The following ADARB2 variants were observed in gnomAD, a reference collection of about 807,000 sequenced individuals.
The protein encoded by ADARB2 is adenosine deaminase RNA specific B2 (inactive), also known as inactive double-stranded RNA-specific editase B2.
A neutral mutation model predicts 62.2 loss-of-function variants in ADARB2; 25 were observed. The ratio of observed to expected loss-of-function variants is 0.40; its 90% confidence interval spans 0.29 to 0.56. The LOEUF (loss-of-function observed/expected upper bound fraction) is 0.56, where lower values mean the gene tolerates loss of function less well. ADARB2 is among the 20% of genes least tolerant of loss of function. The probability of loss-of-function intolerance (pLI) is 0.43; values close to 1 mark genes in which losing one functional copy is unlikely to be tolerated. For synonymous variants in ADARB2, 572 were observed against 500.8 expected, an observed-to-expected ratio of 1.14 and a Z score of -1.90; for missense variants, 1,071 against 1,077.4, an observed-to-expected ratio of 0.99 and a Z score of 0.08.
At chr10:1,471,608 G>A (rs1197708598) in intron 1 of ADARB2, among the ~76,000 whole-genome samples, 1 of 151,984 alleles carries the variant, frequency 6.6e-6, no homozygotes, top group Non-Finnish European at 1.5e-5. Context: ...GGTCAGGCTG[G>A]TCTTGAACTC....
chr10:1,688,442 C>G (rs1314794999), intron 1 of ADARB2, among the ~76,000 whole-genome samples: 1 of 152,218 alleles, frequency 6.6e-6, no homozygotes, highest in East Asian at 1.9e-4. Flanking sequence ...GCTGGAGACC[C>G]TGAGCTGCCA....
chr10:1,593,161 C>T lies in ADARB2; in HGVS notation c.100+143890G>A, dbSNP rs74492405. On this transcript the variant is annotated intron_variant, in intron 1 of 9. Coordinates refer to ENST00000381312, the MANE Select transcript of ADARB2 (RefSeq NM_018702.4). ...TCCCTTCACCCAAGCCACGCTCCAT[C>T]GGTCTCCTCTCTGGCATGGTCCCCT... Among the ~76,000 whole-genome samples the T allele has an allele frequency of 2.1e-4, 14 of 65,300 alleles. 4 individuals carry two copies. In the East Asian group the frequency reaches 6.8e-3, roughly 32 times the overall value. 42.8% of individuals were successfully genotyped at this position (65,300 alleles called of 152,430 possible). A position where few individuals can be genotyped will look rare whatever the true frequency, so the allele number is the denominator to read the frequency against.
At chr10:1,676,046 C>T in intron 1 of ADARB2, 1 of 985,368 alleles carries the variant, frequency 1.0e-6, no homozygotes, top group South Asian at 4.7e-5. Flanking sequence ...TAACTCTTGA[C>T]CTGAGCCCCT....
intron 1 of ADARB2, among the ~76,000 whole-genome samples, chr10:1,467,902 T>C (rs1044999350): frequency 6.6e-6 from 1 of 152,168 alleles, no homozygotes; most frequent in African/African-American, 2.4e-5. Context: ...ACGAGGACAT[T>C]GAGGACCCGT....
chr10:1,671,979 A>G (rs1367838049), intron 1 of ADARB2, among the ~76,000 whole-genome samples: 1 of 151,858 alleles, frequency 6.6e-6, no homozygotes, highest in Non-Finnish European at 1.5e-5. Context: ...GCCCCTGTTC[A>G]TGCACACTTC....
intron 1 of ADARB2, among the ~76,000 whole-genome samples, chr10:1,640,649 CAA>C (rs961674014): frequency 7.3e-5 from 11 of 151,670 alleles, no homozygotes; most frequent in Non-Finnish European, 1.2e-4. Flanking sequence ...CACACACACA[CAA>C]AAACACACAC....
chr10:1,603,440 G>A (rs551984154), intron 1 of ADARB2, among the ~76,000 whole-genome samples: 38 of 152,296 alleles, frequency 2.5e-4, no homozygotes, highest in Non-Finnish European at 4.3e-4. Flanking sequence ...CAGAGATGAG[G>A]ATCACAGGAC....
At chr10:1,672,395 A>G (rs941734136) in intron 1 of ADARB2, among the ~76,000 whole-genome samples, 1 of 152,108 alleles carries the variant, frequency 6.6e-6, no homozygotes, top group African/African-American at 2.4e-5. Context: ...CCTCGACATT[A>G]CCAACAATCT....
chr10:1,683,090 GCTTTA>G (rs1311590795), intron 1 of ADARB2, among the ~76,000 whole-genome samples: 3 of 152,214 alleles, frequency 2.0e-5, no homozygotes, highest in African/African-American at 7.2e-5. Flanking sequence ...TGCTTTTCAT[GCTTTA>G]CTTATGGGAT....
At chr10:1,635,507 G>C (rs1833907990) in intron 1 of ADARB2, among the ~76,000 whole-genome samples, 1 of 152,198 alleles carries the variant, frequency 6.6e-6, no homozygotes, top group Admixed American at 6.5e-5. Context: ...CCCTTGAGAT[G>C]TGGCTCTGCC....
At chr10:1,279,003 G>A (rs1230288125) in intron 3 of ADARB2, among the ~76,000 whole-genome samples, 1 of 152,090 alleles carries the variant, frequency 6.6e-6, no homozygotes, top group Non-Finnish European at 1.5e-5. Context: ...TAAAATTTCA[G>A]AAAAAAGTTG....
At chr10:1,522,566 C>T (rs1038688769) in intron 1 of ADARB2, among the ~76,000 whole-genome samples, 3 of 152,172 alleles carry the variant, frequency 2.0e-5, no homozygotes, top group Admixed American at 6.5e-5. Context: ...AACGTCTCCA[C>T]TTTTGCATGT....
At chr10:1,457,486 T>C (rs1831109272) in intron 1 of ADARB2, among the ~76,000 whole-genome samples, 1 of 152,194 alleles carries the variant, frequency 6.6e-6, no homozygotes, top group South Asian at 2.1e-4. Context: ...AGCGTATTGC[T>C]GCAGCTTAGG....
intron 3 of ADARB2, among the ~76,000 whole-genome samples, chr10:1,293,323 G>A (rs1260674444): frequency 1.6e-5 from 2 of 128,496 alleles, no homozygotes; most frequent in Non-Finnish European, 3.5e-5. Flanking sequence ...GGAGGGAGGT[G>A]GGGGAAGAGG....
chr10:1,464,277 A>G (rs574441279), intron 1 of ADARB2, among the ~76,000 whole-genome samples: 2 of 127,026 alleles, frequency 1.6e-5, no homozygotes, highest in Non-Finnish European at 1.7e-5. Context: ...ACACTCCCCC[A>G]CACACGCGCT....
chr10:1,355,641 G>T (rs1291419010), intron 3 of ADARB2, among the ~76,000 whole-genome samples: 1 of 152,168 alleles, frequency 6.6e-6, no homozygotes, highest in Non-Finnish European at 1.5e-5. Flanking sequence ...CTAATGGACA[G>T]TCATATTAAC....
chr10:1,327,005 CCAGCGCCTCCCCACGGCA>C lies in ADARB2; in HGVS notation c.1077+36005_1077+36022del, dbSNP rs1564258019. Among the ~76,000 whole-genome samples, 15 of 5,326 alleles carry C rather than the reference CCAGCGCCTCCCCACGGCA, an allele frequency of 2.8e-3. 3 individuals carry two copies. The highest frequency in any genetic ancestry group is 6.8e-3 in the African/African-American group (12 of 1,772). 3.5% of individuals were successfully genotyped at this position (5,326 alleles called of 152,430 possible). ...CCACGGCCCAGCGCCTCCCCACTGC[CCAGCGCCTCCCCACGGCA>C]CAGCGCCTCCCCACTGCCCAGCGCC... On this transcript the variant is annotated intron_variant, in intron 3 of 9. Coordinates refer to ENST00000381312, the MANE Select transcript of ADARB2 (RefSeq NM_018702.4).
chr10:1,405,629 CA>C (rs3029747), intron 1 of ADARB2, among the ~76,000 whole-genome samples: 37,399 of 86,288 alleles, frequency 0.43, 5,195 homozygotes, highest in Middle Eastern at 0.64. Context: ...GATTCAGTCT[CA>C]AAAAAAAAAA....
intron 1 of ADARB2, among the ~76,000 whole-genome samples, chr10:1,503,216 T>G (rs1309694873): frequency 1.3e-5 from 2 of 152,158 alleles, no homozygotes; most frequent in South Asian, 2.1e-4. Context: ...AAGGGATTTT[T>G]TTGTTGTTGT....
Sources: allele counts gnomAD v4.1 joint callset (sites outside exome capture counted in the v4.1 genomes callset), GRCh38; gene constraint gnomAD v4.1.1; transcripts MANE v1.5; gene names NCBI Gene and HGNC (gene_info 2026-07-23, HGNC 2026-07-21).